Variants in SRBD1 observed in about 807,000 individuals in gnomAD.
SRBD1 encodes the protein S1 RNA binding domain 1, also known as S1 RNA-binding domain-containing protein 1.
SRBD1 carries 88 observed loss-of-function variants against 115.3 expected under a neutral mutation model. The ratio of observed to expected loss-of-function variants is 0.76; its 90% CI spans 0.64 to 0.91. The LOEUF (loss-of-function observed/expected upper bound fraction) is 0.91. Among genes scored for constraint, SRBD1 ranks in the 40% least tolerant of loss-of-function variants. The pLI, the probability that SRBD1 is intolerant of heterozygous loss-of-function variation, is 0.00. For missense variants in SRBD1, 1,385 were observed against 1,177.4 expected, an observed-to-expected ratio of 1.18 and a Z score of -2.58; for synonymous variants, 509 against 407.7, an observed-to-expected ratio of 1.25 and a Z score of -2.99.
chr2:45,466,251 A>G (rs1038662120), intron 16 of SRBD1, among the ~76,000 whole-genome samples: 2 of 152,134 alleles, frequency 1.3e-5, no homozygotes, highest in African/African-American at 2.4e-5. Context: ...CAGTCCTGCT[A>G]TCTTCCATCT....
rs1666942216 is a variant in SRBD1, at chr2:45,389,602, G to A, written c.2699-3C>T. ...CTTGAAATCAGGTTTATCAAAATCT[G>A]TAAGAGAAAAAAAGTAAGTGTAAAT... On this transcript the variant is annotated splice_polypyrimidine_tract_variant and splice_region_variant and intron_variant, in intron 20 of 20. Coordinates refer to ENST00000263736, the MANE Select transcript of SRBD1 (RefSeq NM_018079.5). 6.2e-7 allele frequency: 1 copy of A among 1,607,452 alleles called. No individual in the cohort carries two copies. The highest frequency in any genetic ancestry group is 1.1e-5 in the South Asian group (1 of 90,170).
At chr2:45,478,605 G>A (rs970493288) in intron 15 of SRBD1, among the ~76,000 whole-genome samples, 8 of 152,126 alleles carry the variant, frequency 5.3e-5, no homozygotes, top group African/African-American at 1.7e-4. Flanking sequence ...CAGGTGATAG[G>A]AGAAATGCTT....
intron 14 of SRBD1, among the ~76,000 whole-genome samples, chr2:45,533,227 TG>T (rs1671668159): frequency 6.6e-6 from 1 of 151,914 alleles, no homozygotes; most frequent in African/African-American, 2.4e-5. Context: ...GAAACTATGA[TG>T]GAAAAAAAGA....
intron 16 of SRBD1, among the ~76,000 whole-genome samples, chr2:45,426,027 G>C (rs1668143625): frequency 6.6e-6 from 1 of 152,118 alleles, no homozygotes; most frequent in African/African-American, 2.4e-5. Context: ...AAAGGGGGCT[G>C]GAGCCAGGGA....
At position 45,540,735 on chromosome 2, in the gene SRBD1, G is replaced by GGTATGGCAA. The variant is rs1671907453; in HGVS notation, c.1874+5996_1874+5997insTTGCCATAC. 2.0e-5 allele frequency among the ~76,000 whole-genome samples: 3 copies of GGTATGGCAA among 152,184 alleles called. No homozygotes were observed. In the South Asian group the frequency reaches 6.2e-4, roughly 32 times the overall value. On this transcript the variant is annotated intron_variant, in intron 14 of 20. Coordinates refer to ENST00000263736, the MANE Select transcript of SRBD1 (RefSeq NM_018079.5). The stretch of plus-strand genomic sequence containing the variant: ...TTTGAACAGATACCTCACTAAAGAA[G>GGTATGGCAA]ATACATGGATGGCAAATAAGCAAAT...
chr2:45,525,075 G>A (rs2112040), intron 14 of SRBD1, among the ~76,000 whole-genome samples: 97,840 of 151,664 alleles, frequency 0.65, 32,114 homozygotes, highest in Non-Finnish European at 0.71. Flanking sequence ...TAGGACTACT[G>A]GATAGCCACA....
At chr2:45,458,822 T>G (rs918713980) in intron 16 of SRBD1, among the ~76,000 whole-genome samples, 1 of 152,150 alleles carries the variant, frequency 6.6e-6, no homozygotes, top group Non-Finnish European at 1.5e-5. Context: ...TTATTACAAC[T>G]CACATTCATA....
At chr2:45,572,674 G>C (rs1166371692) in intron 9 of SRBD1, among the ~76,000 whole-genome samples, 1 of 151,982 alleles carries the variant, frequency 6.6e-6, no homozygotes, top group Non-Finnish European at 1.5e-5. Context: ...CAGTGTTACT[G>C]TATTTTTGGT....
chr2:45,588,483 C>G, intron 4 of SRBD1, among the ~76,000 whole-genome samples: 1 of 152,202 alleles, frequency 6.6e-6, no homozygotes, highest in East Asian at 1.9e-4. Flanking sequence ...GTACCTTTTC[C>G]TGTTTCCTGT....
At chr2:45,546,322 C>T (rs374118555) in intron 14 of SRBD1, 45 of 985,304 alleles carry the variant, frequency 4.6e-5, no homozygotes, top group Non-Finnish European at 5.4e-5. Flanking sequence ...CTTACCTTGG[C>T]TCTCAGTTCT....
rs796519563 is a variant in SRBD1, at chr2:45,416,883, A to G, written c.2333+1482T>C. On this transcript the variant is annotated intron_variant, in intron 18 of 20. Coordinates refer to ENST00000263736, the MANE Select transcript of SRBD1 (RefSeq NM_018079.5). ...AACCTCCACCTCCTGGGTTCAGGCA[A>G]TTCTCCTGTCTCAGCCTCCTGGGTA... Among the ~76,000 whole-genome samples, 5 of 152,144 alleles carry G rather than the reference A, an allele frequency of 3.3e-5. No individual in the cohort carries two copies. In the East Asian group the frequency reaches 5.8e-4, roughly 18 times the overall value.
chr2:45,465,017 A>G (rs1669439089), intron 16 of SRBD1, among the ~76,000 whole-genome samples: 1 of 134,504 alleles, frequency 7.4e-6, no homozygotes, highest in African/African-American at 2.7e-5. Context: ...ACACACACAC[A>G]CACACACACA....
intron 9 of SRBD1, among the ~76,000 whole-genome samples, chr2:45,566,473 T>C (rs1380047397): frequency 6.6e-6 from 1 of 152,228 alleles, no homozygotes; most frequent in Non-Finnish European, 1.5e-5. Flanking sequence ...GCATATTGTA[T>C]GATTCCTTTA....
In SRBD1 at chr2:45,571,724, G is replaced by A. The variant is rs367656572; in HGVS notation, c.1305+1483C>T. 8.4e-4 allele frequency among the ~76,000 whole-genome samples: 127 copies of A among 151,930 alleles called. 1 individual carries two copies. In the South Asian group the frequency reaches 0.022, roughly 27 times the overall value. ...TAAAAAAGAACAAAATAGAAATTAC[G>A]GAGCTGAAAAGTACAATGACTGAAA... On this transcript the variant is annotated intron_variant, in intron 9 of 20. Coordinates refer to ENST00000263736, the MANE Select transcript of SRBD1 (RefSeq NM_018079.5).
rs147588735 is a variant in SRBD1, at chr2:45,560,042, C to T, written c.1409+2611G>A. Among the ~76,000 whole-genome samples, 1,483 of 152,182 alleles carry T rather than the reference C, an allele frequency of 9.7e-3. 23 individuals carry two copies. The highest frequency in any genetic ancestry group is 0.034 in the African/African-American group (1,400 of 41,514). On this transcript the variant is annotated intron_variant, in intron 10 of 20. Coordinates refer to ENST00000263736, the MANE Select transcript of SRBD1 (RefSeq NM_018079.5). Reference sequence around the variant, plus strand: ...GCTGCAGTGAGCCAAGATCATGCCACTGCACTCCAGCATGAGTGACAGACA... The same window carrying T: ...GCTGCAGTGAGCCAAGATCATGCCATTGCACTCCAGCATGAGTGACAGACA...
At chr2:45,588,323 T>C (rs978985125) in intron 4 of SRBD1, among the ~76,000 whole-genome samples, 4 of 152,216 alleles carry the variant, frequency 2.6e-5, no homozygotes, top group African/African-American at 7.2e-5. Context: ...GCCAGCCCAA[T>C]AGCCTTCTCT....
intron 14 of SRBD1, among the ~76,000 whole-genome samples, chr2:45,542,290 G>A (rs947642916): frequency 1.3e-5 from 2 of 152,264 alleles, no homozygotes; most frequent in African/African-American, 2.4e-5. Context: ...GTTCTGGAGC[G>A]GGTGCTGGGA....
chr2:45,406,947 G>C (rs781492916), intron 19 of SRBD1, among the ~76,000 whole-genome samples: 18 of 151,832 alleles, frequency 1.2e-4, no homozygotes, highest in Non-Finnish European at 2.5e-4. Context: ...AATACATAGA[G>C]TCTTTAGGGT....
chr2:45,547,464 A>T (rs1006347456), intron 13 of SRBD1, 58 bp downstream of exon 13: 1 of 1,473,958 alleles, frequency 6.8e-7, no homozygotes, highest in African/African-American at 1.4e-5. Flanking sequence ...AGGGGCTTCA[A>T]AGGTATCTCT....
Sources: gnomAD v4.1 joint callset for allele counts (sites outside exome capture counted in the v4.1 genomes callset) on GRCh38, gnomAD v4.1.1 for gene constraint, MANE v1.5 for transcripts, NCBI Gene and HGNC (gene_info 2026-07-23, HGNC 2026-07-21) for gene names.